Variants in SHROOM3 observed in about 807,000 individuals in gnomAD.
The protein encoded by SHROOM3 is protein Shroom3.
Under a neutral mutation model 138.6 loss-of-function variants are expected in SHROOM3, and 47 were observed. That is an observed-to-expected ratio of 0.34 (90% CI 0.27 to 0.43). SHROOM3 has a LOEUF of 0.43. Ranked by LOEUF, SHROOM3 falls within the 20% of genes least tolerant of loss-of-function variation. The pLI is 1.00. For synonymous variants in SHROOM3, 1,062 were observed against 1,063.3 expected (o/e 1.00, Z 0.02); for missense variants, 2,491 against 2,596.5 (o/e 0.96, Z 0.88).
At chr4:76,530,034 A>AT (rs1319263127) in intron 1 of SHROOM3, among the ~76,000 whole-genome samples, 1 of 152,208 alleles carries the variant, frequency 6.6e-6, no homozygotes, top group Non-Finnish European at 1.5e-5. Context: ...ACTGGGCACA[A>AT]TTTGTGCTGG....
At chr4:76,507,762 T>A (rs1579201148) in intron 1 of SHROOM3, among the ~76,000 whole-genome samples, 1 of 151,892 alleles carries the variant, frequency 6.6e-6, no homozygotes, top group East Asian at 1.9e-4. Flanking sequence ...GCCAGGATGG[T>A]CTCGATCTCC....
chr4:76,759,741 T>C (rs752502699), intron 9 of SHROOM3, 46 bp downstream of exon 9: 15 of 1,595,700 alleles, frequency 9.4e-6, no homozygotes, highest in African/African-American at 6.7e-5. Context: ...CTCAGAAAAA[T>C]TGACAAGGTC....
Position 76,770,630 on chromosome 4 carries a change from A to G in SHROOM3, c.5354A>G (p.Glu1785Gly). The G allele has an allele frequency of 6.2e-7, 1 of 1,613,998 alleles. No homozygotes were observed. Residue 1785 changes from glutamate to glycine, a missense_variant, in exon 10 of 11, where the codon GAG becomes GGG. Glu to Gly is a moderately conservative substitution (Grantham distance 98, BLOSUM62 -2). Transcript: ENST00000296043. ...CGGTCTTATCTGTCATTTCAGGCTG[A>G]GCTCATTGGAAGTCTCACCCACAAG... ...EQADVNEKKA[E>G]LIGSLTHKLE...
At chr4:76,464,401 A>G (rs964333826) in intron 1 of SHROOM3, among the ~76,000 whole-genome samples, 4 of 152,120 alleles carry the variant, frequency 2.6e-5, no homozygotes, top group Admixed American at 6.5e-5. Flanking sequence ...TCTTGGAAGT[A>G]ACTAATTTTT....
intron 1 of SHROOM3, among the ~76,000 whole-genome samples, chr4:76,477,126 C>A (rs1191121936): frequency 6.6e-6 from 1 of 152,090 alleles, no homozygotes; most frequent in African/African-American, 2.4e-5. Context: ...CACCACCACG[C>A]CCGGCTAATT....
intron 2 of SHROOM3, among the ~76,000 whole-genome samples, chr4:76,558,707 A>G (rs1019014779): frequency 6.6e-6 from 1 of 152,266 alleles, no homozygotes; most frequent in African/African-American, 2.4e-5. Context: ...ACTATAAGTG[A>G]AAAGTATGCC....
chr4:76,552,063 G>A (rs534068545), intron 1 of SHROOM3, among the ~76,000 whole-genome samples: 284 of 144,696 alleles, frequency 2.0e-3, no homozygotes, highest in African/African-American at 5.0e-3. Context: ...GGGTTTCACC[G>A]TGTTAGCCAG....
At chr4:76,696,220 C>G (rs1719722449) in intron 2 of SHROOM3, among the ~76,000 whole-genome samples, 2 of 152,226 alleles carry the variant, frequency 1.3e-5, no homozygotes, top group East Asian at 1.9e-4. Context: ...GTCTGACTCA[C>G]AATAGACGCA....
intron 2 of SHROOM3, among the ~76,000 whole-genome samples, chr4:76,564,320 G>A (rs985476358): frequency 6.6e-6 from 1 of 152,180 alleles, no homozygotes; most frequent in African/African-American, 2.4e-5. Flanking sequence ...TTGAGCAAGT[G>A]GTTGAGAGGA....
chr4:76,757,665 G>C (rs1478356063), intron 8 of SHROOM3, among the ~76,000 whole-genome samples: 1 of 152,218 alleles, frequency 6.6e-6, no homozygotes, highest in Non-Finnish European at 1.5e-5. Context: ...GGAGCGCACT[G>C]TCTGGTTTGG....
intron 2 of SHROOM3, among the ~76,000 whole-genome samples, chr4:76,600,978 A>C (rs1734493282): frequency 6.6e-6 from 1 of 152,218 alleles, no homozygotes; most frequent in Non-Finnish European, 1.5e-5. Flanking sequence ...CTGTATTTTT[A>C]TACTACTCTA....
intron 2 of SHROOM3, among the ~76,000 whole-genome samples, chr4:76,646,276 G>GC (rs1165748789): frequency 7.1e-6 from 1 of 141,006 alleles, no homozygotes. Flanking sequence ...CTGTTGAATT[G>GC]CAACAGTGTT....
At chr4:76,647,535 T>C (rs1030883727) in intron 2 of SHROOM3, among the ~76,000 whole-genome samples, 2 of 152,176 alleles carry the variant, frequency 1.3e-5, no homozygotes, top group Non-Finnish European at 2.9e-5. Context: ...CCCATAACTA[T>C]GTACATATAT....
chr4:76,778,993 G>A lies in SHROOM3; in HGVS notation c.5807G>A (p.Arg1936Gln), dbSNP rs751522247. The A allele has an allele frequency of 1.2e-5, 20 of 1,614,032 alleles. No homozygotes were observed. Among genetic ancestry groups the A allele is most frequent in the Non-Finnish European group, 1.5e-5 (18 of 1,180,036 alleles). The change falls in exon 11 of 11, where the codon CGG becomes CAG. Residue 1936 changes from arginine (R) to glutamine (Q), a missense_variant. This residue lies in a region of SHROOM3 where 470 missense variants were observed against 595.0 expected (regional missense o/e 0.79). Coordinates refer to ENST00000296043, the MANE Select transcript of SHROOM3 (RefSeq NM_020859.4). ...KMKSTLLIEQRKLDDKIKLGQ... is the reference protein window; with the variant it reads ...KMKSTLLIEQQKLDDKIKLGQ... Reference sequence around the variant, plus strand: ...AAGTCCACGCTCCTCATTGAGCAACGGAAGCTGGATGACAAGATCAAGCTG... The same window carrying A: ...AAGTCCACGCTCCTCATTGAGCAACAGAAGCTGGATGACAAGATCAAGCTG...
At chr4:76,756,349 T>G (rs1721809188) in intron 7 of SHROOM3, 100 bp from the exon 8 acceptor site, 2 of 1,398,824 alleles carry the variant, frequency 1.4e-6, no homozygotes, top group African/African-American at 1.4e-5. Context: ...GTGGAAAGCT[T>G]CTCCCTCAGT....
intron 2 of SHROOM3, among the ~76,000 whole-genome samples, chr4:76,588,821 G>A (rs539419118): frequency 9.9e-5 from 15 of 152,104 alleles, no homozygotes; most frequent in African/African-American, 2.9e-4. Flanking sequence ...TTAAAATGTC[G>A]CTGGTTAATA....
intron 1 of SHROOM3, among the ~76,000 whole-genome samples, chr4:76,519,491 A>G (rs1004602785): frequency 6.6e-6 from 1 of 152,238 alleles, no homozygotes; most frequent in East Asian, 1.9e-4. Flanking sequence ...CTCACTGAGT[A>G]TATGTCCTAA....
intron 2 of SHROOM3, among the ~76,000 whole-genome samples, chr4:76,595,757 C>G (rs28399920): frequency 0.59 from 89,321 of 151,900 alleles, 26,988 homozygotes; most frequent in East Asian, 0.85. Context: ...ATTATCTGAT[C>G]CTGCAATGGA....
chr4:76,656,190 T>C (rs1736063112), intron 2 of SHROOM3, among the ~76,000 whole-genome samples: 1 of 152,142 alleles, frequency 6.6e-6, no homozygotes, highest in Admixed American at 6.5e-5. Context: ...ATTTTTAGTG[T>C]ATTTGTGGTA....
Sources: gnomAD v4.1 joint callset for allele counts (sites outside exome capture counted in the v4.1 genomes callset) on GRCh38, gnomAD v4.1.1 for gene constraint, gnomAD v4.1.1 regional missense constraint, MANE v1.5 for transcripts, NCBI Gene and HGNC (gene_info 2026-07-23, HGNC 2026-07-21) for gene names.